The following GDAP1L1 variants were observed in gnomAD, a reference collection of about 807,000 sequenced individuals.
The protein encoded by GDAP1L1 is ganglioside induced differentiation associated protein 1 like 1.
Under a neutral mutation model 37.1 loss-of-function variants are expected in GDAP1L1, and 21 were observed. The ratio of observed to expected loss-of-function variants is 0.57; its 90% CI spans 0.40 to 0.81. The LOEUF (loss-of-function observed/expected upper bound fraction) is 0.81, where lower values mean the gene tolerates loss of function less well. Ranked by LOEUF, GDAP1L1 falls within the 40% of genes least tolerant of loss-of-function variation. The pLI is 0.00. For missense variants in GDAP1L1, 362 were observed against 491.6 expected (o/e 0.74, Z 2.49); for synonymous variants, 193 against 209.1 (o/e 0.92, Z 0.67).
chr20:44,255,870 T>C (rs943389706), intron 1 of GDAP1L1, among the ~76,000 whole-genome samples: 1 of 152,176 alleles, frequency 6.6e-6, no homozygotes, highest in Admixed American at 6.5e-5. Context: ...TCCTTCCTTC[T>C]GAGTCTCAGT....
chr20:44,248,254 G>T (rs568234126), intron 1 of GDAP1L1, among the ~76,000 whole-genome samples: 2 of 152,334 alleles, frequency 1.3e-5, no homozygotes, highest in South Asian at 2.1e-4. Flanking sequence ...CTTCCTGGGG[G>T]TAAGGCTGTG....
rs1483462441 is a variant in GDAP1L1 at position 44,247,604 on chromosome 20, G to A, written c.180+90G>A. On this transcript the variant is annotated intron_variant, in intron 1 of 5. Coordinates refer to ENST00000342560, the MANE Select transcript of GDAP1L1 (RefSeq NM_024034.6). ...CTTGAGGGATCTGAGGGCGGCGAAAGACTGGAGGGGGGAACCTGGGGTTTG... is the reference window on the plus strand; with the variant it reads ...CTTGAGGGATCTGAGGGCGGCGAAAAACTGGAGGGGGGAACCTGGGGTTTG... 3.2e-6 allele frequency: 4 copies of A among 1,250,528 alleles called. No homozygotes were observed. The South Asian group carries it at 4.8e-5, about 15-fold the overall frequency. 77.5% of individuals were successfully genotyped at this position (1,250,528 alleles called of 1,614,324 possible). A position where few individuals can be genotyped will look rare whatever the true frequency, so the allele number is the denominator to read the frequency against.
intron 5 of GDAP1L1, among the ~76,000 whole-genome samples, chr20:44,277,533 C>T (rs939294437): frequency 2.6e-5 from 4 of 152,148 alleles, no homozygotes; most frequent in Non-Finnish European, 5.9e-5. Flanking sequence ...CACACAGGGC[C>T]TTACAGGGCT....
At chr20:44,276,416 G>GAAAGAAAGAAAGAAAGA (rs2062577510) in intron 5 of GDAP1L1, among the ~76,000 whole-genome samples, 2 of 114,992 alleles carry the variant, frequency 1.7e-5, no homozygotes, top group African/African-American at 6.5e-5. Flanking sequence ...AAAAGAAAAA[G>GAAAGAAAGAAAGAAAGA]AAAGAAAGAA....
chr20:44,256,959 C>A (rs564266326), intron 1 of GDAP1L1, among the ~76,000 whole-genome samples, 194 bp from the exon 2 acceptor site: 2 of 152,292 alleles, frequency 1.3e-5, no homozygotes, highest in Admixed American at 1.3e-4. Context: ...AGCAGAACTG[C>A]GCTCCTCCCT....
chr20:44,273,400 T>C (rs925536962), intron 5 of GDAP1L1, among the ~76,000 whole-genome samples: 1 of 152,314 alleles, frequency 6.6e-6, no homozygotes, highest in South Asian at 2.1e-4. Flanking sequence ...CCACACTCCC[T>C]TGCTGGTATC....
rs373336638 is a variant in GDAP1L1, at chr20:44,279,332, G to A, written c.*32G>A. The A allele has an allele frequency of 1.3e-5, 18 of 1,390,528 alleles. No individual in the cohort carries two copies. The highest frequency in any genetic ancestry group is 4.3e-5 in the African/African-American group (3 of 70,558). 86.1% of individuals were successfully genotyped at this position (1,390,528 alleles called of 1,614,324 possible). A position where few individuals can be genotyped will look rare whatever the true frequency, so the allele number is the denominator to read the frequency against. Reference sequence around the variant, plus strand: ...GCCTGGGGCTTGGTGTCTGACTGTCGGTGTCTCTGTGCTGTGTGATTCCCC... The same window carrying A: ...GCCTGGGGCTTGGTGTCTGACTGTCAGTGTCTCTGTGCTGTGTGATTCCCC... On this transcript the variant is annotated 3_prime_UTR_variant, in exon 6 of 6. Coordinates refer to ENST00000342560, the MANE Select transcript of GDAP1L1 (RefSeq NM_024034.6).
At chr20:44,276,412 A>AAAAGAGAAAGAAAGAAAG (rs1555801150) in intron 5 of GDAP1L1, among the ~76,000 whole-genome samples, 2 of 113,394 alleles carry the variant, frequency 1.8e-5, no homozygotes, top group African/African-American at 7.0e-5. Flanking sequence ...AGAAAAAAGA[A>AAAAGAGAAAGAAAGAAAG]AAAGAAAGAA....
chr20:44,279,048 AC>A lies in GDAP1L1; in HGVS notation c.853del (p.Leu285CysfsTer104). ...CCCTGCACCGCCTCAAGTTCCTGGGACTGTCCAAGAAATACTGGGAAGATGG... is the reference window on the plus strand; with the variant it reads ...CCCTGCACCGCCTCAAGTTCCTGGGATGTCCAAGAAATACTGGGAAGATGG... Reference protein sequence around the residue: ...ATLHRLKFLGLSKKYWEDGSR... With the variant: ...ATLHRLKFLGXSKKYWEDGSR... On this transcript the variant is annotated frameshift_variant, in exon 6 of 6. Coordinates refer to ENST00000342560, the MANE Select transcript of GDAP1L1 (RefSeq NM_024034.6). LOFTEE classifies it high-confidence loss of function. The A allele has an allele frequency of 6.2e-7, 1 of 1,614,050 alleles. No individual in the cohort carries two copies. The highest frequency in any genetic ancestry group is 8.5e-7 in the Non-Finnish European group (1 of 1,179,956).
chr20:44,270,054 G>T (rs2062496825), intron 5 of GDAP1L1, among the ~76,000 whole-genome samples: 1 of 152,150 alleles, frequency 6.6e-6, no homozygotes, highest in Admixed American at 6.5e-5. Context: ...CTATAGAATT[G>T]GATGTTTTCA....
At chr20:44,254,321 A>G (rs543377791) in intron 1 of GDAP1L1, among the ~76,000 whole-genome samples, 36 of 152,284 alleles carry the variant, frequency 2.4e-4, no homozygotes, top group African/African-American at 8.2e-4. Flanking sequence ...ACACTCACAC[A>G]CACGCAGACA....
Position 44,264,465 on chromosome 20 carries a change from T to G in GDAP1L1, c.666T>G (p.Asp222Glu), listed in dbSNP as rs751533648. The G allele has an allele frequency of 6.6e-7, 1 of 1,516,406 alleles. No homozygotes were observed. Among genetic ancestry groups the G allele is most frequent in the South Asian group, 1.3e-5 (1 of 74,462 alleles). The allele number at this position is 1,516,406 out of a possible 1,614,324, so 93.9% of individuals were successfully genotyped here. The change falls in exon 5 of 6, where the codon GAT (aspartate) becomes GAG (glutamate). Residue 222 changes from aspartate (D) to glutamate (E), a missense_variant. Transcript: ENST00000342560. Reference sequence around the variant, plus strand: ...CCCAGGCCAAGATCTTGGAGCATGATGATGTGAGCTACCTGAAGAAGATCC... The same window carrying G: ...CCCAGGCCAAGATCTTGGAGCATGAGGATGTGAGCTACCTGAAGAAGATCC... ...KKLMAKILEH[D>E]DVSYLKKILG... is the part of the protein sequence containing the mutation.
rs989324029 is a variant in GDAP1L1 at position 44,264,859 on chromosome 20, A to G, written c.760+300A>G. ...GTGAAATAATACACGTAGAGTGCTT[A>G]GATCAGGGCTTAGCACACAGTAGGT... On this transcript the variant is annotated intron_variant, in intron 5 of 5. Transcript: ENST00000342560. The G allele has an allele frequency of 4.0e-5, 46 of 1,143,470 alleles. No homozygotes were observed. In the African/African-American group the frequency reaches 7.3e-4, roughly 18 times the overall value. The allele number at this position is 1,143,470 out of a possible 1,614,324, so 70.8% of individuals were successfully genotyped here.
Position 44,259,792 on chromosome 20 carries a change from T to C in GDAP1L1, c.547+1185T>C, listed in dbSNP as rs955017872. On this transcript the variant is annotated intron_variant, in intron 3 of 5. Coordinates refer to ENST00000342560, the MANE Select transcript of GDAP1L1 (RefSeq NM_024034.6). The stretch of plus-strand genomic sequence containing the variant: ...GATTATAGGCATGAGCCACCATATG[T>C]GGCCAAGACTCAGGATTTACCTGTA... Among the ~76,000 whole-genome samples, 9 of 152,272 alleles carry C rather than the reference T, an allele frequency of 5.9e-5. 1 individual carries two copies.
chr20:44,255,541 CAAAAAAAAAAAAA>C (rs60318296), intron 1 of GDAP1L1, among the ~76,000 whole-genome samples: 2 of 45,778 alleles, frequency 4.4e-5, no homozygotes, highest in African/African-American at 9.9e-5. Context: ...GACTCTGTCT[CAAAAAAAAAAAAA>C]AAAAAAAAAA....
chr20:44,261,915 T>C (rs2073680819), intron 3 of GDAP1L1, among the ~76,000 whole-genome samples: 1 of 152,142 alleles, frequency 6.6e-6, no homozygotes, highest in Non-Finnish European at 1.5e-5. Flanking sequence ...AGTAGTAGTA[T>C]GAGCAGAAGC....
chr20:44,247,305 C>A (rs769261755), upstream of GDAP1L1: 11 of 1,611,606 alleles, frequency 6.8e-6, no homozygotes, highest in Admixed American at 3.3e-5. Flanking sequence ...CCGGAGCCTC[C>A]TTCTTTCCTG....
intron 5 of GDAP1L1, among the ~76,000 whole-genome samples, chr20:44,272,869 C>T (rs964060687): frequency 1.3e-5 from 2 of 152,198 alleles, no homozygotes; most frequent in Non-Finnish European, 2.9e-5. Flanking sequence ...CACAGATGCC[C>T]AGGAGAGTGA....
intron 5 of GDAP1L1, among the ~76,000 whole-genome samples, chr20:44,275,305 T>C (rs1467038917): frequency 2.6e-5 from 4 of 152,186 alleles, no homozygotes; most frequent in Non-Finnish European, 5.9e-5. Flanking sequence ...GACATTGTAT[T>C]GTGTCGTGTC....
Sources: gnomAD v4.1 joint callset for allele counts (sites outside exome capture counted in the v4.1 genomes callset) on GRCh38, gnomAD v4.1.1 for gene constraint, MANE v1.5 for transcripts, NCBI Gene and HGNC (gene_info 2026-07-23, HGNC 2026-07-21) for gene names.